Variants in SPMIP10 observed in about 807,000 individuals in gnomAD.
SPMIP10 encodes sperm-associated microtubule inner protein 10.
chr5:126,631,953 G>C, the SPMIP10 span: 1 of 623,668 alleles, frequency 1.6e-6, no homozygotes. Context: ...AGGGAAATAT[G>C]TGTGCAGGGA....
At chr5:126,632,742 C>T in the SPMIP10 span, 3 of 765,090 alleles carry the variant, frequency 3.9e-6, no homozygotes, top group Non-Finnish European at 6.6e-6. Context: ...AATCCTAGCA[C>T]TTTGGGAGAC....
At chr5:126,633,032 T>TATATATATATATATATATATAA in the SPMIP10 span, among the ~76,000 whole-genome samples, 60 of 146,456 alleles carry the variant, frequency 4.1e-4, no homozygotes, top group African/African-American at 6.3e-4. Context: ...TATATATATA[T>TATATATATATATATATATATAA]AATTTAGTAT....
chr5:126,636,017 TTTC>T, the SPMIP10 span: 1 of 1,600,060 alleles, frequency 6.2e-7, no homozygotes, highest in South Asian at 1.1e-5. Flanking sequence ...CACAGAAGAT[TTTC>T]TTTTCTCTTA....
the SPMIP10 span, chr5:126,632,568 C>T: frequency 3.1e-6 from 5 of 1,606,984 alleles, no homozygotes; most frequent in Admixed American, 5.0e-5. Flanking sequence ...TCATTTGCCA[C>T]GATTTTCATT....
the SPMIP10 span, chr5:126,632,594 C>A: frequency 2.5e-6 from 4 of 1,612,364 alleles, no homozygotes; most frequent in Non-Finnish European, 2.5e-6. Context: ...AAGGGATGAT[C>A]CCAAGACGTT....
the SPMIP10 span, among the ~76,000 whole-genome samples, chr5:126,633,008 CATATATAT>C: frequency 8.8e-5 from 11 of 125,368 alleles, no homozygotes; most frequent in East Asian, 8.3e-4. Flanking sequence ...ATAAATTTTA[CATATATAT>C]ATATATATAT....
At chr5:126,633,534 A>AT in the SPMIP10 span, among the ~76,000 whole-genome samples, 2 of 151,900 alleles carry the variant, frequency 1.3e-5, no homozygotes, top group East Asian at 3.9e-4. Flanking sequence ...TAGCTTTTTG[A>AT]TTTTTAGTAG....
chr5:126,632,247 CT>C, the SPMIP10 span, among the ~76,000 whole-genome samples: 1 of 97,398 alleles, frequency 1.0e-5, no homozygotes, highest in Non-Finnish European at 1.8e-5. Flanking sequence ...TGATAATGCA[CT>C]CCATCTCATT....
chr5:126,636,143 C>G, the SPMIP10 span: 1 of 1,614,056 alleles, frequency 6.2e-7, no homozygotes, highest in South Asian at 1.1e-5. Flanking sequence ...CCAAAAAGGC[C>G]CACCAGAAAT....
At chr5:126,632,426 C>T in the SPMIP10 span, 13 of 635,226 alleles carry the variant, frequency 2.0e-5, no homozygotes, top group Middle Eastern at 2.5e-4. Context: ...ATGGCACAGC[C>T]GTCTGTCCTG....
At chr5:126,634,416 A>C in the SPMIP10 span, among the ~76,000 whole-genome samples, 1 of 152,086 alleles carries the variant, frequency 6.6e-6, no homozygotes, top group African/African-American at 2.4e-5. Flanking sequence ...GCAACAGAGC[A>C]AGACTCCATC....
chr5:126,632,258 TAAAAAAAAAAAAAAA>T, the SPMIP10 span, among the ~76,000 whole-genome samples: 1 of 57,184 alleles, frequency 1.7e-5, no homozygotes, highest in African/African-American at 5.8e-5. Context: ...TCCATCTCAT[TAAAAAAAAAAAAAAA>T]AAAAAAAAAA....
chr5:126,631,754 C>G, the SPMIP10 span: 1 of 1,611,530 alleles, frequency 6.2e-7, no homozygotes, highest in Non-Finnish European at 8.5e-7. Flanking sequence ...GGGAAAGATA[C>G]TTGTCCTACT....
At chr5:126,632,243 T>A in the SPMIP10 span, among the ~76,000 whole-genome samples, 3 of 111,624 alleles carry the variant, frequency 2.7e-5, no homozygotes, top group Non-Finnish European at 5.0e-5. Context: ...GGCATGATAA[T>A]GCACTCCATC....
At chr5:126,633,567 C>T in the SPMIP10 span, among the ~76,000 whole-genome samples, 8 of 152,012 alleles carry the variant, frequency 5.3e-5, no homozygotes, top group Admixed American at 2.6e-4. Context: ...ACTATGTCTT[C>T]CAGTTTGGTC....
chr5:126,635,931 G>T, the SPMIP10 span: 1 of 993,246 alleles, frequency 1.0e-6, no homozygotes, highest in Non-Finnish European at 1.5e-6. Flanking sequence ...CAAATTGCTG[G>T]GATTACAGGC....
the SPMIP10 span, among the ~76,000 whole-genome samples, chr5:126,634,196 C>T: frequency 3.9e-5 from 6 of 152,230 alleles, no homozygotes; most frequent in East Asian, 3.9e-4. Flanking sequence ...CTTTGGGAGG[C>T]GGAGGCGGGC....
At chr5:126,636,078 T>C in the SPMIP10 span, 2 of 1,614,144 alleles carry the variant, frequency 1.2e-6, no homozygotes, top group Non-Finnish European at 1.7e-6. Flanking sequence ...GAAGACTCTC[T>C]GTTTTTGAAT....
chr5:126,635,627 T>C, the SPMIP10 span, among the ~76,000 whole-genome samples: 21 of 152,166 alleles, frequency 1.4e-4, no homozygotes, highest in Non-Finnish European at 2.9e-4. Flanking sequence ...GTTCCTCTGT[T>C]CAGCAGAGCT....
Sources: gnomAD v4.1 joint callset for allele counts (sites outside exome capture counted in the v4.1 genomes callset) on GRCh38, gnomAD v4.1.1 for gene constraint, MANE v1.5 for transcripts, NCBI Gene and HGNC (gene_info 2026-07-23, HGNC 2026-07-21) for gene names.